NFIX: variants seen among roughly 807,000 people sequenced by gnomAD.
NFIX encodes nuclear factor 1 X-type.
NFIX carries 2 observed loss-of-function variants against 53.3 expected under a neutral mutation model. The ratio of observed to expected loss-of-function variants is 0.04; its 90% CI spans 0.02 to 0.12. The LOEUF is 0.12. Among genes scored for constraint, NFIX ranks in the 10% least tolerant of loss-of-function variants. The probability of loss-of-function intolerance (pLI) is 1.00; values close to 1 mark genes in which losing one functional copy is unlikely to be tolerated. For synonymous variants in NFIX, 244 were observed against 289.0 expected, an observed-to-expected ratio of 0.84 and a Z score of 1.58; for missense variants, 310 against 674.5, an observed-to-expected ratio of 0.46 and a Z score of 5.99.
In NFIX at chr19:13,037,024, C is replaced by G. The variant is rs1421040963; in HGVS notation, c.559+11472C>G. ...GTTGGGGGTGGGTGCTAAGCCTGGG[C>G]TGAACAGGGTGAGGTCTCCTGGGCA... On this transcript the variant is annotated intron_variant, in intron 2 of 10. Coordinates refer to ENST00000592199, the MANE Select transcript of NFIX (RefSeq NM_001365902.3). The surrounding 1 kb of genome is among the most constrained non-coding windows in gnomAD (Gnocchi z 4.2). 6.6e-6 allele frequency among the ~76,000 whole-genome samples: 1 copy of G among 152,138 alleles called. No individual in the cohort carries two copies. Among genetic ancestry groups the G allele is most frequent in the African/African-American group, 2.4e-5 (1 of 41,428 alleles).
intron 2 of NFIX, among the ~76,000 whole-genome samples, chr19:13,029,932 C>T (rs978959292): frequency 1.3e-5 from 2 of 152,170 alleles, no homozygotes; most frequent in South Asian, 2.1e-4. Context: ...ACTGCCAAGA[C>T]GGGGCTGGTG....
chr19:12,997,569 G>A (rs111476557), intron 1 of NFIX, among the ~76,000 whole-genome samples: 2 of 152,202 alleles, frequency 1.3e-5, no homozygotes, highest in Admixed American at 6.5e-5. Context: ...ACCCAGCGGT[G>A]TCTGAGCTGG....
Position 13,067,829 on chromosome 19 carries a change from G to A in NFIX, c.560-5218G>A, listed in dbSNP as rs552585399. ...TATATATATTAAAAACATGCATCCG[G>A]GCACGGTGGCTCACGCCTGTAATCC... On this transcript the variant is annotated intron_variant, in intron 2 of 10. Coordinates refer to ENST00000592199, the MANE Select transcript of NFIX (RefSeq NM_001365902.3). The surrounding 1 kb of genome is among the most constrained non-coding windows in gnomAD (Gnocchi z 4.2). Among the ~76,000 whole-genome samples, 2 of 151,982 alleles carry A rather than the reference G, an allele frequency of 1.3e-5. No homozygotes were observed.
intron 2 of NFIX, among the ~76,000 whole-genome samples, chr19:13,038,275 C>A (rs1469209130): frequency 6.6e-6 from 1 of 152,150 alleles, no homozygotes; most frequent in Non-Finnish European, 1.5e-5. Flanking sequence ...AATACCTATC[C>A]CTTATTGCCT....
rs1049596487 is a variant in NFIX, at chr19:13,066,063, C to T, written c.560-6984C>T. Among the ~76,000 whole-genome samples, 2 of 152,162 alleles carry T rather than the reference C, an allele frequency of 1.3e-5. No homozygotes were observed. The highest frequency in any genetic ancestry group is 4.8e-5 in the African/African-American group (2 of 41,416). On this transcript the variant is annotated intron_variant, in intron 2 of 10. Transcript: ENST00000592199. The surrounding 1 kb of genome is among the most constrained non-coding windows in gnomAD (Gnocchi z 4.2). ...GACTGTAGGAGACAGGCCTTCTTCA[C>T]CTCGACACCGTGTGGGGCCTGAGGC...
At chr19:13,000,840 C>T (rs1038090130) in intron 1 of NFIX, among the ~76,000 whole-genome samples, 6 of 152,184 alleles carry the variant, frequency 3.9e-5, no homozygotes, top group African/African-American at 7.2e-5. Flanking sequence ...GGGCACATTG[C>T]GGGTGGGAGC....
intron 1 of NFIX, chr19:13,024,000 G>A (rs1482998968): frequency 3.0e-5 from 42 of 1,397,126 alleles, no homozygotes; most frequent in Admixed American, 7.0e-5. Flanking sequence ...TCTCAGAATC[G>A]GGCGTTGGGC....
At chr19:13,055,025 T>C (rs1001423352) in intron 2 of NFIX, among the ~76,000 whole-genome samples, 2 of 152,088 alleles carry the variant, frequency 1.3e-5, no homozygotes, top group African/African-American at 4.8e-5. Flanking sequence ...CTTTCTGGCC[T>C]CGTGATGGGT....
rs1272817376 is a variant in NFIX at position 13,074,712 on chromosome 19, T to TC, written c.818+686_818+687insC. On this transcript the variant is annotated intron_variant, in intron 5 of 10. Transcript: ENST00000592199. The stretch of plus-strand genomic sequence containing the variant: ...GGGCAGGGTCCACTCCACTTTTTTT[T>TC]TTTTTTTAAAACGGGTGTTTATATT... Among the ~76,000 whole-genome samples, 4 of 151,314 alleles carry TC rather than the reference T, an allele frequency of 2.6e-5. No individual in the cohort carries two copies. The East Asian group carries it at 7.7e-4, about 29-fold the overall frequency.
chr19:13,083,649 G>C (rs12975001), intron 8 of NFIX, among the ~76,000 whole-genome samples: 9,539 of 152,246 alleles, frequency 0.063, 469 homozygotes, highest in Non-Finnish European at 0.091. Flanking sequence ...CCGCAAACAG[G>C]CACCTTGATT....
At chr19:13,064,386 C>T (rs1461652283) in intron 2 of NFIX, among the ~76,000 whole-genome samples, 2 of 152,208 alleles carry the variant, frequency 1.3e-5, no homozygotes, top group Admixed American at 1.3e-4. Flanking sequence ...CTGGGCTGGG[C>T]AGGCCTTGGG....
In NFIX at chr19:13,072,224, G is replaced by A. The variant is rs2016817755; in HGVS notation, c.560-823G>A. ...GCACACAAAGCTTTGAGGACCAGGG[G>A]GACCAGGGTGGGGGGCTTTCCCAAG... On this transcript the variant is annotated intron_variant, in intron 2 of 10. Transcript: ENST00000592199. This position sits in a 1 kb window ranked among gnomAD's most constrained non-coding sequence, Gnocchi z 4.0. 6.6e-6 allele frequency among the ~76,000 whole-genome samples: 1 copy of A among 152,202 alleles called. No individual in the cohort carries two copies. Among genetic ancestry groups the A allele is most frequent in the Non-Finnish European group, 1.5e-5 (1 of 68,034 alleles).
intron 2 of NFIX, among the ~76,000 whole-genome samples, chr19:13,042,269 C>T (rs1445733498): frequency 6.6e-6 from 1 of 151,908 alleles, no homozygotes; most frequent in South Asian, 2.1e-4. Flanking sequence ...GACTTCTGTC[C>T]CCTATTCCCT....
At chr19:13,015,385 C>T (rs1294405148) in intron 1 of NFIX, among the ~76,000 whole-genome samples, 1 of 152,136 alleles carries the variant, frequency 6.6e-6, no homozygotes, top group Non-Finnish European at 1.5e-5. Flanking sequence ...GCCTCCCTTC[C>T]TGAGGCAGCC....
chr19:13,034,385 G>A lies in NFIX; in HGVS notation c.559+8833G>A, dbSNP rs562308934. Among the ~76,000 whole-genome samples, 42 of 152,342 alleles carry A rather than the reference G, an allele frequency of 2.8e-4. No homozygotes were observed. In the South Asian group the frequency reaches 8.5e-3, roughly 31 times the overall value. On this transcript the variant is annotated intron_variant, in intron 2 of 10. Coordinates refer to ENST00000592199, the MANE Select transcript of NFIX (RefSeq NM_001365902.3). ...ACCAACCTCGAGAGGCAGCATGCTA[G>A]CATAGACGGGCTGAGTCTAGCATAG... is the stretch of plus-strand genomic sequence containing the variant.
In NFIX at chr19:13,081,134, T is replaced by C. The variant is rs968219964; in HGVS notation, c.1079-546T>C. Among the ~76,000 whole-genome samples, 1 of 150,612 alleles carries C rather than the reference T, an allele frequency of 6.6e-6. No homozygotes were observed. Among genetic ancestry groups the C allele is most frequent in the Non-Finnish European group, 1.5e-5 (1 of 67,668 alleles). On this transcript the variant is annotated intron_variant, in intron 7 of 10. Transcript: ENST00000592199. The surrounding 1 kb of genome is among the most constrained non-coding windows in gnomAD (Gnocchi z 4.7). The stretch of plus-strand genomic sequence containing the variant: ...GGACAATATGGCAAAATCTCATCTC[T>C]AGAAAAAAAAAAAAGCAAAAATCTA...
Position 13,021,087 on chromosome 19 carries a change from G to A in NFIX, c.28-3934G>A, listed in dbSNP as rs1353372539. Reference sequence around the variant, plus strand: ...CTCCATGCCAAATATAAACTCACTTGTAGTTTTTAATGACCTCATCTTGAC... The same window carrying A: ...CTCCATGCCAAATATAAACTCACTTATAGTTTTTAATGACCTCATCTTGAC... On this transcript the variant is annotated intron_variant, in intron 1 of 10. Transcript: ENST00000592199. The surrounding 1 kb of genome is among the most constrained non-coding windows in gnomAD (Gnocchi z 4.2). 6.6e-6 allele frequency among the ~76,000 whole-genome samples: 1 copy of A among 152,130 alleles called. No homozygotes were observed. Among genetic ancestry groups the A allele is most frequent in the Non-Finnish European group, 1.5e-5 (1 of 68,026 alleles).
chr19:13,005,063 C>T lies in NFIX; in HGVS notation c.27+9199C>T, dbSNP rs1378294742. Among the ~76,000 whole-genome samples, 2 of 152,006 alleles carry T rather than the reference C, an allele frequency of 1.3e-5. No homozygotes were observed. The highest frequency in any genetic ancestry group is 2.9e-5 in the Non-Finnish European group (2 of 67,994). On this transcript the variant is annotated intron_variant, in intron 1 of 10. Transcript: ENST00000592199. The surrounding 1 kb of genome is among the most constrained non-coding windows in gnomAD (Gnocchi z 4.7). Reference sequence around the variant, plus strand: ...AACTCCTGGCCTCAAGTGATCCGCCCGCCTCGGCCTCCCAAAGTGCTGGGA... The same window carrying T: ...AACTCCTGGCCTCAAGTGATCCGCCTGCCTCGGCCTCCCAAAGTGCTGGGA...
Position 13,078,105 on chromosome 19 carries a change from A to G in NFIX, c.956-508A>G, listed in dbSNP as rs1465348891. On this transcript the variant is annotated intron_variant, in intron 6 of 10. Coordinates refer to ENST00000592199, the MANE Select transcript of NFIX (RefSeq NM_001365902.3). This position sits in a 1 kb window ranked among gnomAD's most constrained non-coding sequence, Gnocchi z 4.7. ...GGCATTGTGTCCCTCCTGAGGGCTC[A>G]TGGCTGTGTGCTCCCTTCCCTAAAC... 6.6e-6 allele frequency among the ~76,000 whole-genome samples: 1 copy of G among 152,080 alleles called. No homozygotes were observed. Among genetic ancestry groups the G allele is most frequent in the East Asian group, 1.9e-4 (1 of 5,168 alleles).
Sources: gnomAD v4.1 joint callset for allele counts (sites outside exome capture counted in the v4.1 genomes callset) on GRCh38, gnomAD v4.1.1 for gene constraint, Gnocchi (gnomAD v3.1) non-coding constraint, MANE v1.5 for transcripts, NCBI Gene and HGNC (gene_info 2026-07-23, HGNC 2026-07-21) for gene names.